COL6A3: variants seen among roughly 807,000 people sequenced by gnomAD.
The protein encoded by COL6A3 is collagen type VI alpha 3 chain.
Under a neutral mutation model 274.1 loss-of-function variants are expected in COL6A3, and 137 were observed. The ratio of observed to expected loss-of-function variants is 0.50; its 90% confidence interval spans 0.44 to 0.58. COL6A3 has a LOEUF of 0.58. COL6A3 is among the 20% of genes least tolerant of loss of function. The probability of loss-of-function intolerance (pLI) is 0.00; values close to 1 mark genes in which losing one functional copy is unlikely to be tolerated. For missense variants in COL6A3, 3,950 were observed against 4,124.9 expected (o/e 0.96, Z 1.16); for synonymous variants, 1,650 against 1,650.6 (o/e 1.00, Z 0.01).
chr2:237,386,826 G>T (rs776662871), intron 4 of COL6A3, among the ~76,000 whole-genome samples: 2 of 152,164 alleles, frequency 1.3e-5, no homozygotes, highest in Non-Finnish European at 2.9e-5. Context: ...CAGTTCAAAA[G>T]GTAGAGGAGG....
intron 29 of COL6A3, 75 bp downstream of exon 29, chr2:237,348,538 A>G: frequency 2.7e-6 from 4 of 1,478,062 alleles, no homozygotes; most frequent in Non-Finnish European, 3.8e-6. Flanking sequence ...TTCTTTTAAA[A>G]CACAACACAT....
intron 1 of COL6A3, among the ~76,000 whole-genome samples, chr2:237,405,889 T>C (rs1463369886): frequency 6.6e-6 from 1 of 152,052 alleles, no homozygotes; most frequent in Non-Finnish European, 1.5e-5. Flanking sequence ...CTTTCAAATA[T>C]GAAAAAAAGA....
chr2:237,341,086 T>A lies in COL6A3; in HGVS notation c.7830A>T (p.Arg2610Ser). The A allele has an allele frequency of 6.2e-7, 1 of 1,614,100 alleles. No homozygotes were observed. The highest frequency in any genetic ancestry group is 8.5e-7 in the Non-Finnish European group (1 of 1,180,018). Reference sequence around the variant, plus strand: ...CGATGTCCACATCGCTCCCTGCCGCTCTCCTGTCCCTGAAGGAAGGCCTCC... The same window carrying A: ...CGATGTCCACATCGCTCCCTGCCGCACTCCTGTCCCTGAAGGAAGGCCTCC... ...GSWRPSFRDR[R>S]AAGSDVDIDM... Residue 2610 changes from arginine to serine, a missense_variant, in exon 38 of 44, where the codon AGA becomes AGT. Physicochemically the swap from Arg to Ser is moderately radical, Grantham distance 110. Transcript: ENST00000295550.
intron 2 of COL6A3, among the ~76,000 whole-genome samples, chr2:237,396,131 C>A (rs994762248): frequency 2.0e-5 from 3 of 152,212 alleles, no homozygotes; most frequent in Non-Finnish European, 2.9e-5. Context: ...AGAGGGAGAC[C>A]CACCTGAGTC....
chr2:237,381,506 G>A lies in COL6A3; in HGVS notation c.1313-7C>T, dbSNP rs764201905. On this transcript the variant is annotated splice_polypyrimidine_tract_variant and splice_region_variant and intron_variant, in intron 4 of 43. Coordinates refer to ENST00000295550, the MANE Select transcript of COL6A3 (RefSeq NM_004369.4). Reference sequence around the variant, plus strand: ...CTCTTGTTGACTTCAATGACTGTAGGTGGCAACATTATAAGGCAATTAGAA... The same window carrying A: ...CTCTTGTTGACTTCAATGACTGTAGATGGCAACATTATAAGGCAATTAGAA... 4.6e-5 allele frequency: 74 copies of A among 1,595,958 alleles called. No individual in the cohort carries two copies. The highest frequency in any genetic ancestry group is 1.6e-4 in the Middle Eastern group (1 of 6,076).
In COL6A3 at chr2:237,368,913, C is replaced by A; in HGVS notation, c.4550G>T (p.Gly1517Val). 1 of 1,614,202 alleles carries A rather than the reference C, an allele frequency of 6.2e-7. No individual in the cohort carries two copies. Residue 1517 changes from glycine to valine, a missense_variant, in exon 10 of 44, where the codon GGC becomes GTC. Gly to Val is a moderately radical substitution (Grantham distance 109). This residue lies in a region of COL6A3 where 1,934 missense variants were observed against 1,984.3 expected (regional missense o/e 0.97). Transcript: ENST00000295550. This position sits in a 1 kb window ranked among gnomAD's most constrained non-coding sequence, Gnocchi z 4.4. ...TCTTGCCACAAATTCGAGAGCCTTG[C>A]CAGTGTTCAGTGGGGACCCCCCTCT... ...RLRGGSPLNT[G>V]KALEFVARNL...
At chr2:237,334,946 C>T (rs1700456475) in intron 40 of COL6A3, 57 bp from the exon 41 acceptor site, 1 of 1,598,292 alleles carries the variant, frequency 6.3e-7, no homozygotes, top group Non-Finnish European at 8.6e-7. Flanking sequence ...GACTGTAGTG[C>T]ATGAGCGAGA....
chr2:237,375,595 T>G (rs188917209), intron 7 of COL6A3, among the ~76,000 whole-genome samples: 1 of 152,242 alleles, frequency 6.6e-6, no homozygotes, highest in Admixed American at 6.5e-5. Context: ...CAGGCTAGAG[T>G]GCAGTGGCGC....
intron 5 of COL6A3, 65 bp downstream of exon 5, chr2:237,380,850 T>C: frequency 7.0e-7 from 1 of 1,433,514 alleles, no homozygotes; most frequent in Admixed American, 1.8e-5. Flanking sequence ...CTTCATTTTG[T>C]TTTGTTCTTA....
Position 237,346,639 on chromosome 2 carries a change from T to C in COL6A3, c.7030-74A>G, listed in dbSNP as rs1574952015. On this transcript the variant is annotated intron_variant, in intron 31 of 43. Transcript: ENST00000295550. ...ATTTAAGGCTCCTATAGTTGGAAGGTACGGTAAAAGTGATCTAACCCAAGG... is the reference window on the plus strand; with the variant it reads ...ATTTAAGGCTCCTATAGTTGGAAGGCACGGTAAAAGTGATCTAACCCAAGG... 1.1e-5 allele frequency: 15 copies of C among 1,409,044 alleles called. No homozygotes were observed. In the East Asian group the frequency reaches 3.0e-4, roughly 28 times the overall value. The allele number at this position is 1,409,044 out of a possible 1,614,324, so 87.3% of individuals were successfully genotyped here. A position where few individuals can be genotyped will look rare whatever the true frequency, so the allele number is the denominator to read the frequency against.
Position 237,387,947 on chromosome 2 carries a change from C to G in COL6A3, c.947G>C (p.Gly316Ala). ...GAGGCCGATATTGGCCAACTCCCCA[C>G]CAGCAAACCCGAGGGCTTTCACTGC... Reference protein sequence around the residue: ...LGAVKALGFAGGELANIGLAL... With the variant: ...LGAVKALGFAAGELANIGLAL... Residue 316 changes from glycine to alanine, a missense_variant, in exon 4 of 44, where the codon GGT becomes GCT. Transcript: ENST00000295550. 2 of 1,614,198 alleles carry G rather than the reference C, an allele frequency of 1.2e-6. No individual in the cohort carries two copies. Among genetic ancestry groups the G allele is most frequent in the Non-Finnish European group, 8.5e-7 (1 of 1,180,034 alleles).
At chr2:237,370,180 T>A (rs1179086433) in intron 9 of COL6A3, among the ~76,000 whole-genome samples, 1 of 148,664 alleles carries the variant, frequency 6.7e-6, no homozygotes, top group Non-Finnish European at 1.5e-5. Context: ...CCACCCTGAC[T>A]CATTTTCTTT....
chr2:237,333,416 T>C (rs757711545), intron 42 of COL6A3, 34 bp downstream of exon 42: 7 of 1,576,406 alleles, frequency 4.4e-6, no homozygotes, highest in Non-Finnish European at 6.1e-6. Flanking sequence ...ATTTTCTTAG[T>C]GCCATTAATG....
chr2:237,388,026 G>A lies in COL6A3; in HGVS notation c.868C>T (p.Pro290Ser). The stretch of plus-strand genomic sequence containing the variant: ...GTGTCCAAGGAGAACATGGTTCTGG[G>A]CTCATCGCTAAACTGGACCACCCCC... ...RVGVVQFSDE[P>S]RTMFSLDTYS... Residue 290 changes from proline (P) to serine (S), a missense_variant, in exon 4 of 44, where the codon CCC becomes TCC. By Grantham distance (74) the Pro-to-Ser change is moderately conservative (BLOSUM62 -1). This residue lies in a region of COL6A3 where 1,934 missense variants were observed against 1,984.3 expected (regional missense o/e 0.97). Coordinates refer to ENST00000295550, the MANE Select transcript of COL6A3 (RefSeq NM_004369.4). The A allele has an allele frequency of 5.6e-6, 9 of 1,614,150 alleles. No homozygotes were observed. The highest frequency in any genetic ancestry group is 6.8e-6 in the Non-Finnish European group (8 of 1,180,034).
chr2:237,350,331 G>A (rs903003467), intron 27 of COL6A3, 122 bp from the exon 28 acceptor site: 6 of 843,194 alleles, frequency 7.1e-6, no homozygotes, highest in African/African-American at 1.7e-5. Flanking sequence ...TTGAGATTTC[G>A]GTGGAATGAT....
intron 1 of COL6A3, among the ~76,000 whole-genome samples, chr2:237,406,509 C>T (rs2078722230): frequency 6.6e-6 from 1 of 152,138 alleles, no homozygotes; most frequent in Non-Finnish European, 1.5e-5. Flanking sequence ...AGTGGGAGAG[C>T]CGTGCACACT....
At chr2:237,410,057 A>G (rs1379379082) in intron 1 of COL6A3, among the ~76,000 whole-genome samples, 1 of 152,220 alleles carries the variant, frequency 6.6e-6, no homozygotes, top group Non-Finnish European at 1.5e-5. Flanking sequence ...ATGAACAGCC[A>G]CAATAAATAT....
At chr2:237,392,185 A>G (rs746393677) in intron 3 of COL6A3, among the ~76,000 whole-genome samples, 3 of 152,204 alleles carry the variant, frequency 2.0e-5, no homozygotes, top group Non-Finnish European at 2.9e-5. Flanking sequence ...TGGGAAAACC[A>G]TTTTATGAAC....
intron 32 of COL6A3, among the ~76,000 whole-genome samples, chr2:237,345,836 C>A (rs2077087603): frequency 6.6e-6 from 1 of 152,190 alleles, no homozygotes; most frequent in African/African-American, 2.4e-5. Flanking sequence ...CAATCAGACC[C>A]ACCTGACCAG....
Sources: gnomAD v4.1 joint callset for allele counts (sites outside exome capture counted in the v4.1 genomes callset) on GRCh38, gnomAD v4.1.1 for gene constraint, gnomAD v4.1.1 regional missense constraint, Gnocchi (gnomAD v3.1) non-coding constraint, MANE v1.5 for transcripts, NCBI Gene and HGNC (gene_info 2026-07-23, HGNC 2026-07-21) for gene names.